The following ANLN variants were observed in gnomAD, a reference collection of about 807,000 sequenced individuals.
The protein encoded by ANLN is anillin, actin binding protein.
In ANLN, 59 loss-of-function variants were observed where a neutral mutation model predicts 135.1. The ratio of observed to expected loss-of-function variants is 0.44; its 90% CI spans 0.35 to 0.54. The LOEUF (loss-of-function observed/expected upper bound fraction) is 0.54. Ranked by LOEUF, ANLN falls within the 20% of genes least tolerant of loss-of-function variation. The pLI, the probability that ANLN is intolerant of heterozygous loss-of-function variation, is 0.00. For synonymous variants in ANLN, 406 were observed against 456.4 expected (o/e 0.89, Z 1.41); for missense variants, 1,182 against 1,340.0 (o/e 0.88, Z 1.84).
intron 9 of ANLN, among the ~76,000 whole-genome samples, chr7:36,418,180 TC>T (rs1787726214): frequency 6.6e-6 from 1 of 152,206 alleles, no homozygotes. Context: ...CTCCACGTGT[TC>T]AGTTATCCAG....
Position 36,404,358 on chromosome 7 carries a change from G to A in ANLN, c.488-1823G>A, listed in dbSNP as rs575659289. ...GGGTATATGTTCCACGACCACCAGT[G>A]GATGTCTGAAACCTCAGACAGTACC... On this transcript the variant is annotated intron_variant, in intron 3 of 23. Transcript: ENST00000265748. 6.4e-4 allele frequency among the ~76,000 whole-genome samples: 97 copies of A among 152,266 alleles called. No individual in the cohort carries two copies. The South Asian group carries it at 0.019, about 30-fold the overall frequency.
chr7:36,407,725 A>G lies in ANLN; in HGVS notation c.874-9A>G, dbSNP rs772744863. On this transcript the variant is annotated splice_polypyrimidine_tract_variant and intron_variant, in intron 4 of 23. Coordinates refer to ENST00000265748, the MANE Select transcript of ANLN (RefSeq NM_018685.5). ...AATGTTGTTTACCCTAAGTGTTTTC[A>G]TGTTTCAGAAAGCTACTTCTCCAGT... The G allele has an allele frequency of 1.9e-6, 3 of 1,578,042 alleles. No homozygotes were observed. The highest frequency in any genetic ancestry group is 2.6e-6 in the Non-Finnish European group (3 of 1,156,530).
intron 7 of ANLN, among the ~76,000 whole-genome samples, chr7:36,414,261 A>G (rs914603926): frequency 2.6e-5 from 4 of 152,106 alleles, no homozygotes; most frequent in Non-Finnish European, 4.4e-5. Flanking sequence ...GTGATAAAGG[A>G]GGTAGTGGCT....
At chr7:36,445,752 G>T (rs1293865540) in intron 22 of ANLN, among the ~76,000 whole-genome samples, 9 of 152,158 alleles carry the variant, frequency 5.9e-5, no homozygotes, top group South Asian at 2.1e-4. Flanking sequence ...TAGCAGAATT[G>T]CTGGGTTGTA....
chr7:36,431,896 T>C (rs1788348027), intron 20 of ANLN, among the ~76,000 whole-genome samples: 1 of 151,942 alleles, frequency 6.6e-6, no homozygotes, highest in South Asian at 2.1e-4. Context: ...CCCCCCAGAA[T>C]AGGGCACTTT....
intron 10 of ANLN, 37 bp downstream of exon 10, chr7:36,419,516 GT>G (rs780087712): frequency 6.5e-7 from 1 of 1,533,200 alleles, no homozygotes; most frequent in Non-Finnish European, 9.0e-7. Flanking sequence ...CAGGACATAA[GT>G]AAACTAAGTA....
rs1163339666 is a variant in ANLN, at chr7:36,428,282, C to T, written c.2883+1254C>T. On this transcript the variant is annotated intron_variant, in intron 20 of 23. Transcript: ENST00000265748. ...TGAGTGATCCTGGGTCTTTTTTTCT[C>T]TGTCTCTTATTTTGTCTGTTTTAGA... 5.0e-6 allele frequency: 6 copies of T among 1,210,986 alleles called. No individual in the cohort carries two copies. In the Admixed American group the frequency reaches 9.1e-5, roughly 18 times the overall value. The allele number at this position is 1,210,986 out of a possible 1,614,324, so 75.0% of individuals were successfully genotyped here.
intron 22 of ANLN, among the ~76,000 whole-genome samples, chr7:36,445,576 C>T (rs1788962621): frequency 6.6e-6 from 1 of 152,124 alleles, no homozygotes; most frequent in Non-Finnish European, 1.5e-5. Flanking sequence ...ATCCATTCTC[C>T]TGTTTAGAGA....
chr7:36,435,648 C>T (rs951180261), intron 20 of ANLN, among the ~76,000 whole-genome samples: 7 of 151,748 alleles, frequency 4.6e-5, no homozygotes, highest in South Asian at 4.2e-4. Flanking sequence ...CCGAGGCGGG[C>T]GGATCACGAG....
chr7:36,396,479 C>G, intron 2 of ANLN, 60 bp downstream of exon 2: 1 of 1,487,222 alleles, frequency 6.7e-7, no homozygotes, highest in Non-Finnish European at 9.0e-7. Flanking sequence ...AGGAGACAAG[C>G]CCCAAACATT....
chr7:36,406,365 CAG>C lies in ANLN; in HGVS notation c.673_674del (p.Ser225CysfsTer22). On this transcript the variant is annotated frameshift_variant, in exon 4 of 24. Transcript: ENST00000265748. LOFTEE classifies it high-confidence loss of function. ...TAAATCACTCATTTGCAAAACAAAA[CAG>C]TGTACAAGAACAGCCTGGTACCGCT... ...DVNHSFAKQN[S>X]VQEQPGTACL... 6.2e-7 allele frequency: 1 copy of C among 1,614,186 alleles called. No individual in the cohort carries two copies. Among genetic ancestry groups the C allele is most frequent in the Non-Finnish European group, 8.5e-7 (1 of 1,179,996 alleles).
intron 7 of ANLN, among the ~76,000 whole-genome samples, chr7:36,412,290 C>G (rs1381171625): frequency 6.9e-6 from 1 of 145,042 alleles, no homozygotes; most frequent in Non-Finnish European, 1.5e-5. Flanking sequence ...TCCACCTTAT[C>G]AGTTGCTGCC....
intron 5 of ANLN, among the ~76,000 whole-genome samples, chr7:36,409,872 A>G (rs932852931): frequency 5.9e-5 from 9 of 152,048 alleles, no homozygotes; most frequent in South Asian, 4.1e-4. Flanking sequence ...GGATTCCTCC[A>G]TGTTGCCCGG....
chr7:36,425,842 A>T, intron 18 of ANLN, 102 bp downstream of exon 18: 1 of 1,271,150 alleles, frequency 7.9e-7, no homozygotes. Context: ...GCACTGTGGA[A>T]AATTTTAACA....
At position 36,452,639 on chromosome 7, in the gene ANLN, C is replaced by A; in HGVS notation, c.*39C>A. On this transcript the variant is annotated 3_prime_UTR_variant, in exon 24 of 24. Transcript: ENST00000265748. ...CATGCTATCTAGAGGTTTTTGATGTCATCTTAAGAAACACACTTAAGAGCA... is the reference window on the plus strand; with the variant it reads ...CATGCTATCTAGAGGTTTTTGATGTAATCTTAAGAAACACACTTAAGAGCA... The A allele has an allele frequency of 6.2e-7, 1 of 1,605,576 alleles. No homozygotes were observed. The highest frequency in any genetic ancestry group is 1.1e-5 in the South Asian group (1 of 90,346).
At chr7:36,418,251 C>T (rs1003619340) in intron 9 of ANLN, among the ~76,000 whole-genome samples, 1 of 152,182 alleles carries the variant, frequency 6.6e-6, no homozygotes, top group South Asian at 2.1e-4. Context: ...TCAGCATTCC[C>T]TCCCCCAGGG....
chr7:36,452,357 G>A, intron 23 of ANLN, 120 bp from the exon 24 acceptor site: 1 of 1,251,846 alleles, frequency 8.0e-7, no homozygotes, highest in Non-Finnish European at 1.1e-6. Context: ...ATCCATAAAA[G>A]GTGGTTAAAG....
intron 20 of ANLN, among the ~76,000 whole-genome samples, chr7:36,427,406 A>C (rs1703964864): frequency 6.6e-6 from 1 of 151,746 alleles, no homozygotes; most frequent in African/African-American, 2.4e-5. Flanking sequence ...ACAGGGTCTC[A>C]CTCTGTCACC....
In ANLN at chr7:36,390,194, T is replaced by C. The variant is rs1786373891; in HGVS notation, c.18+150T>C. On this transcript the variant is annotated intron_variant, in intron 1 of 23. Transcript: ENST00000265748. ...GTGTGCGGGCCGGGGTCGCCGCGGC[T>C]GCGGCCTGCTGTGGTTGGTGGGTTC... is the stretch of plus-strand genomic sequence containing the variant. The C allele has an allele frequency of 3.0e-6, 4 of 1,319,008 alleles. No homozygotes were observed. In the Admixed American group the frequency reaches 8.7e-5, roughly 29 times the overall value. The allele number at this position is 1,319,008 out of a possible 1,614,324, so 81.7% of individuals were successfully genotyped here.
Sources: gnomAD v4.1 joint callset for allele counts (sites outside exome capture counted in the v4.1 genomes callset) on GRCh38, gnomAD v4.1.1 for gene constraint, MANE v1.5 for transcripts, NCBI Gene and HGNC (gene_info 2026-07-23, HGNC 2026-07-21) for gene names.